The following KCNQ5 variants were observed in gnomAD, a reference collection of about 807,000 sequenced individuals.
KCNQ5 encodes the protein potassium voltage-gated channel subfamily Q member 5.
KCNQ5 carries 30 observed loss-of-function variants against 98.2 expected under a neutral mutation model. The ratio of observed to expected loss-of-function variants is 0.31; its 90% confidence interval spans 0.23 to 0.41. The LOEUF is 0.41. Ranked by LOEUF, KCNQ5 falls within the 10% of genes least tolerant of loss-of-function variation. The pLI, the probability that KCNQ5 is intolerant of heterozygous loss-of-function variation, is 1.00. For synonymous variants in KCNQ5, 458 were observed against 449.4 expected, an observed-to-expected ratio of 1.02 and a Z score of -0.24; for missense variants, 835 against 1,182.5, an observed-to-expected ratio of 0.71 and a Z score of 4.31.
chr6:72,652,429 T>C (rs1765924266), intron 1 of KCNQ5, among the ~76,000 whole-genome samples: 2 of 151,660 alleles, frequency 1.3e-5, no homozygotes, highest in African/African-American at 2.4e-5. Context: ...TCCTGGTTTT[T>C]CCCCCTCCCT....
intron 9 of KCNQ5, chr6:73,125,369 A>C (rs1282387292): frequency 1.9e-6 from 1 of 514,456 alleles, no homozygotes; most frequent in Non-Finnish European, 3.9e-6. Flanking sequence ...AAACAGAGCC[A>C]GGTGGAACCC....
rs1054929499 is a variant in KCNQ5, at chr6:72,868,683, G to A, written c.399-135225G>A. Reference sequence around the variant, plus strand: ...AGGTAGAGCACAATCATGGGAAAGAGAGCAACCAGTAAGCTCTATGAACAG... The same window carrying A: ...AGGTAGAGCACAATCATGGGAAAGAAAGCAACCAGTAAGCTCTATGAACAG... On this transcript the variant is annotated intron_variant, in intron 1 of 13. Transcript: ENST00000370398. Among the ~76,000 whole-genome samples, 2 of 152,174 alleles carry A rather than the reference G, an allele frequency of 1.3e-5. 1 individual carries two copies. Among genetic ancestry groups the A allele is most frequent in the Non-Finnish European group, 2.9e-5 (2 of 68,042 alleles).
At chr6:73,009,138 C>T (rs562728878) in intron 2 of KCNQ5, among the ~76,000 whole-genome samples, 8 of 151,918 alleles carry the variant, frequency 5.3e-5, no homozygotes, top group African/African-American at 1.7e-4. Flanking sequence ...ACTACAGGCA[C>T]GCACCACCAC....
At chr6:73,031,709 G>A (rs921245778) in intron 2 of KCNQ5, among the ~76,000 whole-genome samples, 5 of 152,170 alleles carry the variant, frequency 3.3e-5, no homozygotes, top group African/African-American at 9.7e-5. Context: ...ACACATTGCT[G>A]ATCTTTATAT....
chr6:72,801,808 T>G (rs1186633729), intron 1 of KCNQ5, among the ~76,000 whole-genome samples: 1 of 151,924 alleles, frequency 6.6e-6, no homozygotes, highest in Non-Finnish European at 1.5e-5. Flanking sequence ...AGGAGCTCTT[T>G]TAGGGCAGGC....
At chr6:73,141,427 A>G (rs557070221) in intron 10 of KCNQ5, among the ~76,000 whole-genome samples, 26 of 152,226 alleles carry the variant, frequency 1.7e-4, no homozygotes, top group African/African-American at 6.3e-4. Flanking sequence ...AGTGACGGGG[A>G]AATGCTTTTC....
chr6:72,970,337 C>G (rs577003241), intron 1 of KCNQ5, among the ~76,000 whole-genome samples: 1 of 152,132 alleles, frequency 6.6e-6, no homozygotes, highest in South Asian at 2.1e-4. Context: ...GATTACAGAT[C>G]AAAATAACTA....
At chr6:72,694,227 C>T (rs191679485) in intron 1 of KCNQ5, among the ~76,000 whole-genome samples, 2 of 152,200 alleles carry the variant, frequency 1.3e-5, no homozygotes, top group Admixed American at 1.3e-4. Flanking sequence ...AATAGCAGCA[C>T]AAGAAATATA....
intron 9 of KCNQ5, among the ~76,000 whole-genome samples, chr6:73,124,837 A>C (rs948169323): frequency 6.6e-6 from 1 of 150,804 alleles, no homozygotes; most frequent in Non-Finnish European, 1.5e-5. Context: ...AAATATGGTA[A>C]TCTAGAGAAT....
rs547151201 is a variant in KCNQ5, at chr6:73,022,761, A to G, written c.489+18763A>G. On this transcript the variant is annotated intron_variant, in intron 2 of 13. Coordinates refer to ENST00000370398, the MANE Select transcript of KCNQ5 (RefSeq NM_019842.4). Reference sequence around the variant, plus strand: ...TTGGTTACAAGAGAGGAAGGGACTCATTTCCACTGGCAATTGAAGGAAGCT... The same window carrying G: ...TTGGTTACAAGAGAGGAAGGGACTCGTTTCCACTGGCAATTGAAGGAAGCT... Among the ~76,000 whole-genome samples, 208 of 152,330 alleles carry G rather than the reference A, an allele frequency of 1.4e-3. 1 individual carries two copies. Among genetic ancestry groups the G allele is most frequent in the South Asian group, 3.3e-3 (16 of 4,830 alleles).
intron 1 of KCNQ5, among the ~76,000 whole-genome samples, chr6:72,870,190 A>G (rs1260907358): frequency 6.6e-6 from 1 of 152,170 alleles, no homozygotes; most frequent in Non-Finnish European, 1.5e-5. Flanking sequence ...CATGACTGCA[A>G]TGACATCAGG....
chr6:72,917,544 C>T (rs887558545), intron 1 of KCNQ5, among the ~76,000 whole-genome samples: 1 of 151,856 alleles, frequency 6.6e-6, no homozygotes, highest in Non-Finnish European at 1.5e-5. Flanking sequence ...ATGATCTCGG[C>T]TCACTGCAAC....
chr6:72,728,594 C>T (rs1247379648), intron 1 of KCNQ5, among the ~76,000 whole-genome samples: 1 of 152,156 alleles, frequency 6.6e-6, no homozygotes, highest in African/African-American at 2.4e-5. Flanking sequence ...CTGAAAATTG[C>T]CAGGTCTTCC....
intron 1 of KCNQ5, among the ~76,000 whole-genome samples, chr6:72,894,503 C>T (rs1189102587): frequency 4.6e-5 from 7 of 152,054 alleles, no homozygotes; most frequent in Non-Finnish European, 5.9e-5. Context: ...AGTTTCTATT[C>T]TAAAAGCAAG....
intron 1 of KCNQ5, among the ~76,000 whole-genome samples, chr6:72,831,438 A>T (rs931861332): frequency 6.6e-6 from 1 of 152,184 alleles, no homozygotes; most frequent in Non-Finnish European, 1.5e-5. Flanking sequence ...GGGGAGCTGG[A>T]TGAAGCTGGA....
At chr6:73,119,183 T>C (rs934597670) in intron 7 of KCNQ5, among the ~76,000 whole-genome samples, 1 of 152,200 alleles carries the variant, frequency 6.6e-6, no homozygotes, top group African/African-American at 2.4e-5. Flanking sequence ...AAAATCTATA[T>C]GGGAAAGTAA....
At chr6:72,726,414 T>A (rs948702385) in intron 1 of KCNQ5, among the ~76,000 whole-genome samples, 2 of 151,976 alleles carry the variant, frequency 1.3e-5, no homozygotes, top group Non-Finnish European at 2.9e-5. Flanking sequence ...GGGGTTTCAC[T>A]GTGTTAGCCA....
intron 10 of KCNQ5, among the ~76,000 whole-genome samples, chr6:73,168,449 T>C (rs1777883947): frequency 6.6e-6 from 1 of 152,080 alleles, no homozygotes. Flanking sequence ...ACCCCTGTAA[T>C]CCCAGCACTT....
At chr6:73,157,751 T>G (rs1041242637) in intron 10 of KCNQ5, 2 of 778,242 alleles carry the variant, frequency 2.6e-6, no homozygotes, top group African/African-American at 3.4e-5. Flanking sequence ...ATGAAGTAAG[T>G]GTGCTCCTAG....
Sources: allele counts gnomAD v4.1 joint callset (sites outside exome capture counted in the v4.1 genomes callset), GRCh38; gene constraint gnomAD v4.1.1; transcripts MANE v1.5; gene names NCBI Gene and HGNC (gene_info 2026-07-23, HGNC 2026-07-21).